Variants in EML5 observed in about 807,000 individuals in gnomAD.
The protein encoded by EML5 is EMAP like 5.
In EML5, 120 loss-of-function variants were observed where a neutral mutation model predicts 250.0. The ratio of observed to expected loss-of-function variants is 0.48; its 90% confidence interval spans 0.41 to 0.56. The LOEUF is 0.56. EML5 is among the 20% of genes least tolerant of loss of function. The pLI, the probability that EML5 is intolerant of heterozygous loss-of-function variation, is 0.00. For missense variants in EML5, 2,006 were observed against 2,437.6 expected (o/e 0.82, Z 3.73); for synonymous variants, 771 against 806.5 (o/e 0.96, Z 0.75).
At chr14:88,654,401 C>A (rs2091779008) in intron 27 of EML5, among the ~76,000 whole-genome samples, 1 of 152,174 alleles carries the variant, frequency 6.6e-6, no homozygotes, top group South Asian at 2.1e-4. Context: ...TTCCCACTTT[C>A]TCCTGTGGGC....
At position 88,715,125 on chromosome 14, in the gene EML5, C is replaced by T; in HGVS notation, c.1258G>A (p.Gly420Arg). ...AIHELKYSPD[G>R]TYLAVGCNDS... ...TTGCATCCAACAGCAAGGTAAGTTCCATCTGGTGAATATTTTAACTCATGA... is the reference window on the plus strand; with the variant it reads ...TTGCATCCAACAGCAAGGTAAGTTCTATCTGGTGAATATTTTAACTCATGA... Residue 420 changes from glycine to arginine, a missense_variant, in exon 9 of 44, where the codon GGA becomes AGA. Gly to Arg is a moderately radical substitution (Grantham distance 125). Around this residue, in one of 7 missense-constraint regions of EML5, gnomAD observed 1,375 missense variants for 1,590.3 expected, o/e 0.86. Transcript: ENST00000554922. 6.2e-7 allele frequency: 1 copy of T among 1,612,688 alleles called. No homozygotes were observed. Among genetic ancestry groups the T allele is most frequent in the Non-Finnish European group, 8.5e-7 (1 of 1,179,228 alleles).
intron 27 of EML5, among the ~76,000 whole-genome samples, chr14:88,651,760 T>G (rs1044579534): frequency 3.9e-5 from 6 of 152,010 alleles, no homozygotes; most frequent in Non-Finnish European, 7.4e-5. Context: ...AATACATATG[T>G]AGCGCTTATT....
In EML5 at chr14:88,792,401, C is replaced by T; in HGVS notation, c.103G>A (p.Glu35Lys). 2 of 1,568,022 alleles carry T rather than the reference C, an allele frequency of 1.3e-6. No homozygotes were observed. Among genetic ancestry groups the T allele is most frequent in the Middle Eastern group, 2.2e-4 (1 of 4,478 alleles). Reference sequence around the variant, plus strand: ...ACCCCCGCCACGAAGTATACGATCTCCTTGGCCGCAGTGTAGTAGAGGTTG... The same window carrying T: ...ACCCCCGCCACGAAGTATACGATCTTCTTGGCCGCAGTGTAGTAGAGGTTG... ...RNNLYYTAAK[E>K]IVYFVAGVGV... The change falls in exon 1 of 44, where the codon GAG becomes AAG. Residue 35 changes from glutamate (E) to lysine (K), a missense_variant. Physicochemically the swap from Glu to Lys is moderately conservative, Grantham distance 56 (BLOSUM62 1). This residue lies in a region of EML5 where 162 missense variants were observed against 212.2 expected (regional missense o/e 0.76). Transcript: ENST00000554922. This position sits in a 1 kb window ranked among gnomAD's most constrained non-coding sequence, Gnocchi z 6.9.
chr14:88,760,953 T>C (rs1026201165), intron 1 of EML5, among the ~76,000 whole-genome samples: 1 of 152,186 alleles, frequency 6.6e-6, no homozygotes, highest in Non-Finnish European at 1.5e-5. Flanking sequence ...CAATTGTTCA[T>C]TGCTAGTAGG....
At chr14:88,629,035 A>C (rs1036062807) in intron 33 of EML5, among the ~76,000 whole-genome samples, 8 of 152,104 alleles carry the variant, frequency 5.3e-5, no homozygotes, top group African/African-American at 1.9e-4. Context: ...AAAGTACCCC[A>C]AGGCATAGGT....
At chr14:88,733,111 C>T (rs1362034745) in intron 7 of EML5, among the ~76,000 whole-genome samples, 2 of 152,290 alleles carry the variant, frequency 1.3e-5, no homozygotes, top group Middle Eastern at 3.4e-3. Flanking sequence ...TCTGTGCTAT[C>T]AAAACTTAAA....
intron 21 of EML5, among the ~76,000 whole-genome samples, chr14:88,668,853 G>A (rs1398873894): frequency 1.3e-5 from 2 of 151,994 alleles, no homozygotes; most frequent in Non-Finnish European, 2.9e-5. Context: ...CAGAAACCCA[G>A]AGCAAAAAAG....
At chr14:88,770,591 A>AT (rs1286625773) in intron 1 of EML5, among the ~76,000 whole-genome samples, 2 of 152,136 alleles carry the variant, frequency 1.3e-5, no homozygotes, top group Non-Finnish European at 2.9e-5. Flanking sequence ...AGCTGAATGT[A>AT]TTGCTTTTGG....
intron 1 of EML5, among the ~76,000 whole-genome samples, chr14:88,779,084 T>C (rs775017373): frequency 6.6e-6 from 1 of 152,208 alleles, no homozygotes; most frequent in Non-Finnish European, 1.5e-5. Context: ...CACTGCTCCA[T>C]TAGTCTGTGT....
intron 1 of EML5, among the ~76,000 whole-genome samples, chr14:88,763,654 T>C (rs2094280710): frequency 6.6e-6 from 1 of 152,200 alleles, no homozygotes; most frequent in African/African-American, 2.4e-5. Context: ...TAACCCATTT[T>C]ATGAGGCCGG....
intron 34 of EML5, chr14:88,627,368 TTAA>T: frequency 2.2e-6 from 1 of 460,934 alleles, no homozygotes; most frequent in Non-Finnish European, 3.8e-6. Flanking sequence ...AATCAAATCA[TTAA>T]TAATAAATAC....
intron 1 of EML5, among the ~76,000 whole-genome samples, chr14:88,786,757 C>T (rs938756939): frequency 6.6e-6 from 1 of 152,200 alleles, no homozygotes; most frequent in Non-Finnish European, 1.5e-5. Flanking sequence ...CGTGCTGCCG[C>T]CATGTAAGAA....
At chr14:88,665,270 T>C (rs2092272728) in intron 22 of EML5, 67 bp downstream of exon 22, 1 of 1,457,744 alleles carries the variant, frequency 6.9e-7, no homozygotes, top group Non-Finnish European at 9.2e-7. Context: ...ATAAAAATTA[T>C]ACATTGATAC....
chr14:88,739,103 CA>C (rs2093888004), intron 5 of EML5, 89 bp from the exon 6 acceptor site: 1 of 1,266,014 alleles, frequency 7.9e-7, no homozygotes, highest in Non-Finnish European at 1.1e-6. Context: ...ACCAATTTAA[CA>C]ATATTTTGGT....
chr14:88,745,426 ATAT>A (rs1214523439), intron 3 of EML5, among the ~76,000 whole-genome samples: 1 of 152,134 alleles, frequency 6.6e-6, no homozygotes, highest in African/African-American at 2.4e-5. Flanking sequence ...AAATAGTATA[ATAT>A]TTAATTAAAA....
intron 9 of EML5, among the ~76,000 whole-genome samples, chr14:88,713,745 T>C (rs925641570): frequency 3.3e-5 from 5 of 151,376 alleles, no homozygotes; most frequent in Non-Finnish European, 7.4e-5. Context: ...CGTGAGGCAC[T>C]GCACATAGCC....
At chr14:88,658,122 A>G in intron 26 of EML5, 65 bp downstream of exon 26, 1 of 1,515,386 alleles carries the variant, frequency 6.6e-7, no homozygotes, top group South Asian at 1.1e-5. Context: ...TTTAACTTCC[A>G]CAGCTTAAAC....
At chr14:88,647,099 T>A (rs958142027) in intron 28 of EML5, 144 bp from the exon 29 acceptor site, 2 of 725,052 alleles carry the variant, frequency 2.8e-6, no homozygotes, top group South Asian at 2.5e-5. Flanking sequence ...CTGTTGTTTT[T>A]AGTTTATAAT....
At chr14:88,668,290 G>A (rs906329957) in intron 21 of EML5, among the ~76,000 whole-genome samples, 3 of 152,176 alleles carry the variant, frequency 2.0e-5, no homozygotes, top group Admixed American at 2.0e-4. Context: ...GAAAAGTCCG[G>A]GGAGAAGCGC....
Sources: allele counts gnomAD v4.1 joint callset (sites outside exome capture counted in the v4.1 genomes callset), GRCh38; gene constraint gnomAD v4.1.1; regional missense constraint gnomAD v4.1.1; non-coding constraint Gnocchi (gnomAD v3.1); transcripts MANE v1.5; gene names NCBI Gene and HGNC (gene_info 2026-07-23, HGNC 2026-07-21).